Variants in LARS2 observed in about 807,000 individuals in gnomAD.
LARS2 encodes the protein leucyl-tRNA synthetase 2, mitochondrial.
A neutral mutation model predicts 116.6 loss-of-function variants in LARS2; 81 were observed. The ratio of observed to expected loss-of-function variants is 0.69; its 90% CI spans 0.58 to 0.84. LARS2 has a LOEUF of 0.84. Ranked by LOEUF, LARS2 falls within the 40% of genes least tolerant of loss-of-function variation. LARS2 has a pLI of 0.00. For synonymous variants in LARS2, 396 were observed against 407.2 expected, an observed-to-expected ratio of 0.97 and a Z score of 0.33; for missense variants, 968 against 1,114.5, an observed-to-expected ratio of 0.87 and a Z score of 1.87.
chr3:45,394,496 C>T lies in LARS2; in HGVS notation c.43C>T (p.Leu15=). The T allele has an allele frequency of 5.6e-6, 9 of 1,614,072 alleles. No homozygotes were observed. The highest frequency in any genetic ancestry group is 7.6e-6 in the Non-Finnish European group (9 of 1,180,004). The change falls in exon 3 of 22, where the codon CTG becomes TTG. Residue 15 remains leucine, a synonymous_variant. Transcript: ENST00000645846. The part of the protein sequence containing the change: ...WQRLGFYASL[L]KRQLNGGPDV... ...GAGATTGGGTTTTTATGCCTCTCTT[C>T]TGAAAAGACAGCTAAATGGTGGGCC...
intron 21 of LARS2, among the ~76,000 whole-genome samples, chr3:45,547,093 G>A (rs1482795698): frequency 1.3e-5 from 2 of 152,112 alleles, no homozygotes; most frequent in African/African-American, 4.8e-5. Flanking sequence ...AATGCAAGGC[G>A]GTCCTCACTC....
At chr3:45,431,499 G>A (rs973157877) in intron 6 of LARS2, among the ~76,000 whole-genome samples, 2 of 152,160 alleles carry the variant, frequency 1.3e-5, no homozygotes, top group African/African-American at 4.8e-5. Flanking sequence ...GTATAAAGAT[G>A]TAATTATATG....
chr3:45,513,384 C>G, intron 16 of LARS2, 149 bp downstream of exon 16: 1 of 624,092 alleles, frequency 1.6e-6, no homozygotes, highest in Non-Finnish European at 2.9e-6. Context: ...GCCTCAGCTC[C>G]CTCTGGGCCT....
intron 6 of LARS2, among the ~76,000 whole-genome samples, chr3:45,422,959 G>GT: frequency 6.6e-6 from 1 of 152,194 alleles, no homozygotes; most frequent in South Asian, 2.1e-4. Flanking sequence ...TGCATAACTC[G>GT]TATTTATTTT....
intron 20 of LARS2, among the ~76,000 whole-genome samples, chr3:45,534,712 C>G (rs1309800127): frequency 6.6e-6 from 1 of 152,134 alleles, no homozygotes; most frequent in Non-Finnish European, 1.5e-5. Context: ...CATTATTGCC[C>G]TGGATAAAAA....
chr3:45,458,286 T>G (rs1443940712), intron 7 of LARS2, among the ~76,000 whole-genome samples: 1 of 152,166 alleles, frequency 6.6e-6, no homozygotes, highest in Non-Finnish European at 1.5e-5. Flanking sequence ...ATTAATGTGT[T>G]CTTTGTACAA....
At chr3:45,393,555 A>G (rs922043043) in intron 2 of LARS2, among the ~76,000 whole-genome samples, 1 of 152,080 alleles carries the variant, frequency 6.6e-6, no homozygotes, top group Admixed American at 6.5e-5. Context: ...AGCCTGGGCA[A>G]TAGAGCGAGA....
At chr3:45,494,594 A>G (rs980136857) in intron 13 of LARS2, among the ~76,000 whole-genome samples, 1 of 152,144 alleles carries the variant, frequency 6.6e-6, no homozygotes, top group African/African-American at 2.4e-5. Flanking sequence ...GGTCCTACCC[A>G]TCAGACAGAA....
intron 10 of LARS2, among the ~76,000 whole-genome samples, chr3:45,481,793 A>G (rs996505066): frequency 1.3e-5 from 2 of 152,028 alleles, no homozygotes; most frequent in African/African-American, 2.4e-5. Flanking sequence ...GTTGTTCTCA[A>G]CTTCTGAGAG....
chr3:45,473,691 GT>G (rs763467707), intron 8 of LARS2, among the ~76,000 whole-genome samples: 7,253 of 127,230 alleles, frequency 0.057, 172 homozygotes, highest in African/African-American at 0.08. Context: ...GCCTGTTGTT[GT>G]TTTTTTTTTT....
In LARS2 at chr3:45,520,138, T is replaced by C. The variant is rs1700429713; in HGVS notation, c.2215-81T>C. ...TTGCATCCCATTCATTTTCCTTTTT[T>C]TTTGTTTTGATAATTCAGTCTTTTT... On this transcript the variant is annotated intron_variant, in intron 18 of 21. Coordinates refer to ENST00000645846, the MANE Select transcript of LARS2 (RefSeq NM_015340.4). The C allele has an allele frequency of 7.3e-6, 7 of 952,398 alleles. No homozygotes were observed. The Admixed American group carries it at 9.5e-5, about 13-fold the overall frequency. The allele number at this position is 952,398 out of a possible 1,614,324, so 59.0% of individuals were successfully genotyped here. A position where few individuals can be genotyped will look rare whatever the true frequency, so the allele number is the denominator to read the frequency against.
At chr3:45,432,035 A>G (rs1698724882) in intron 6 of LARS2, among the ~76,000 whole-genome samples, 1 of 152,234 alleles carries the variant, frequency 6.6e-6, no homozygotes, top group Admixed American at 6.5e-5. Context: ...CAGACAAAAT[A>G]GACTTTAAAT....
At chr3:45,468,034 G>A (rs1187186070) in intron 8 of LARS2, among the ~76,000 whole-genome samples, 1 of 152,078 alleles carries the variant, frequency 6.6e-6, no homozygotes, top group African/African-American at 2.4e-5. Context: ...AGGAGGTCGA[G>A]GCTGCAGTGA....
intron 4 of LARS2, among the ~76,000 whole-genome samples, chr3:45,405,217 G>A (rs1008305312): frequency 7.3e-5 from 11 of 151,708 alleles, no homozygotes; most frequent in African/African-American, 2.7e-4. Flanking sequence ...GCCTCCCAAA[G>A]GGCTAGGATT....
intron 18 of LARS2, chr3:45,519,615 CCCATCAGTGGGT>C (rs1185820714): frequency 2.7e-5 from 4 of 150,424 alleles, no homozygotes; most frequent in Admixed American, 1.3e-4. Context: ...GTTGAGTTTA[CCCATCAGTGGGT>C]CCTGCGTCCT....
chr3:45,400,282 C>G lies in LARS2; in HGVS notation c.272C>G (p.Pro91Arg). The stretch of plus-strand genomic sequence containing the variant: ...AAATTTTACGTGCTTTCCATGTTCC[C>G]TTATCCTTCTGGTAAGCTGCACATG... ...KPKFYVLSMF[P>R]YPSGKLHMGH... The change falls in exon 4 of 22, where the codon CCT becomes CGT. Residue 91 changes from proline (P) to arginine (R), a missense_variant. Physicochemically the swap from Pro to Arg is moderately radical, Grantham distance 103. Transcript: ENST00000645846. The G allele has an allele frequency of 6.2e-7, 1 of 1,613,824 alleles. No individual in the cohort carries two copies. The highest frequency in any genetic ancestry group is 1.1e-5 in the South Asian group (1 of 91,012).
At chr3:45,429,232 G>C (rs1698650096) in intron 6 of LARS2, among the ~76,000 whole-genome samples, 1 of 152,148 alleles carries the variant, frequency 6.6e-6, no homozygotes, top group African/African-American at 2.4e-5. Flanking sequence ...GCTTGATAGG[G>C]TCCTCTGCGA....
At chr3:45,478,842 C>G (rs1699655560) in intron 10 of LARS2, among the ~76,000 whole-genome samples, 1 of 152,178 alleles carries the variant, frequency 6.6e-6, no homozygotes, top group Non-Finnish European at 1.5e-5. Flanking sequence ...AAGGCCAGTA[C>G]AGTGCATTGA....
chr3:45,536,024 T>C (rs1700700071), intron 20 of LARS2, among the ~76,000 whole-genome samples: 1 of 152,188 alleles, frequency 6.6e-6, no homozygotes. Flanking sequence ...CTCATAAGTC[T>C]TGAGTGTTGA....
Sources: allele counts gnomAD v4.1 joint callset (sites outside exome capture counted in the v4.1 genomes callset), GRCh38; gene constraint gnomAD v4.1.1; transcripts MANE v1.5; gene names NCBI Gene and HGNC (gene_info 2026-07-23, HGNC 2026-07-21).